The following GRIK4 variants were observed in gnomAD, a reference collection of about 807,000 sequenced individuals.
GRIK4 encodes the protein glutamate ionotropic receptor kainate type subunit 4.
In GRIK4, 40 loss-of-function variants were observed where a neutral mutation model predicts 104.9. That is an observed-to-expected ratio of 0.38 (90% CI 0.30 to 0.50). GRIK4 has a LOEUF of 0.50. Ranked by LOEUF, GRIK4 falls within the 20% of genes least tolerant of loss-of-function variation. GRIK4 has a pLI of 0.93. For synonymous variants in GRIK4, 485 were observed against 524.9 expected (o/e 0.92, Z 1.04); for missense variants, 1,047 against 1,308.1 (o/e 0.80, Z 3.08).
intron 13 of GRIK4, among the ~76,000 whole-genome samples, chr11:120,911,341 C>T (rs1427591345): frequency 6.7e-6 from 1 of 150,126 alleles, no homozygotes. Context: ...CGGGTTCACG[C>T]CATTCTCCTG....
intron 14 of GRIK4, among the ~76,000 whole-genome samples, chr11:120,951,960 G>C (rs575252244): frequency 4.0e-4 from 61 of 152,330 alleles, no homozygotes; most frequent in African/African-American, 1.4e-3. Flanking sequence ...TGTCACCTCG[G>C]ATCTATTCCC....
In GRIK4 at chr11:120,934,097, C is replaced by A. The variant is rs1943540485; in HGVS notation, c.1477-6250C>A. Among the ~76,000 whole-genome samples the A allele has an allele frequency of 2.0e-5, 3 of 150,136 alleles. No individual in the cohort carries two copies. In the South Asian group the frequency reaches 6.3e-4, roughly 31 times the overall value. On this transcript the variant is annotated intron_variant, in intron 13 of 20. Transcript: ENST00000527524. ...GCGGGCGCCTGTAGTCCCAGCTACT[C>A]AGGAGGCTGAGGCAGGAGAATGGCG...
At chr11:120,860,984 A>G (rs930828873) in intron 8 of GRIK4, among the ~76,000 whole-genome samples, 14 of 150,580 alleles carry the variant, frequency 9.3e-5, no homozygotes, top group African/African-American at 3.4e-4. Context: ...GTGCTAACCC[A>G]CACTTCAGGT....
chr11:120,620,945 A>C (rs1949179425), intron 1 of GRIK4, among the ~76,000 whole-genome samples: 1 of 152,194 alleles, frequency 6.6e-6, no homozygotes, highest in Non-Finnish European at 1.5e-5. Flanking sequence ...AGAGCAGTTA[A>C]GTCACTTGCC....
intron 3 of GRIK4, among the ~76,000 whole-genome samples, chr11:120,723,138 T>C (rs2135379198): frequency 6.6e-6 from 1 of 152,342 alleles, no homozygotes; most frequent in Middle Eastern, 3.4e-3. Context: ...TCATCATTGG[T>C]TTTATGTCAA....
chr11:120,852,962 C>T (rs1217255341), intron 8 of GRIK4, among the ~76,000 whole-genome samples: 1 of 152,168 alleles, frequency 6.6e-6, no homozygotes, highest in Non-Finnish European at 1.5e-5. Flanking sequence ...TGAGGCACAG[C>T]CTGACAAGTG....
At chr11:120,873,868 G>C (rs968775351) in intron 9 of GRIK4, 198 bp from the exon 10 acceptor site, 1 of 534,852 alleles carries the variant, frequency 1.9e-6, no homozygotes, top group Non-Finnish European at 3.3e-6. Context: ...GTGTGTCTTG[G>C]GTGAACACCT....
chr11:120,919,035 G>C (rs1175439755), intron 13 of GRIK4, among the ~76,000 whole-genome samples: 1 of 152,196 alleles, frequency 6.6e-6, no homozygotes, highest in Non-Finnish European at 1.5e-5. Flanking sequence ...GATTGATCTG[G>C]AATTCAAAGC....
intron 1 of GRIK4, among the ~76,000 whole-genome samples, chr11:120,532,542 C>T (rs2136082148): frequency 6.6e-6 from 1 of 152,344 alleles, no homozygotes; most frequent in Non-Finnish European, 1.5e-5. Flanking sequence ...TGTCCTCCTC[C>T]CTCTGAGCCG....
chr11:120,927,365 G>A (rs1400689430), intron 13 of GRIK4, among the ~76,000 whole-genome samples: 2 of 145,126 alleles, frequency 1.4e-5, no homozygotes, highest in South Asian at 2.4e-4. Flanking sequence ...TCAGAAGTTC[G>A]AGACCAGCCT....
At chr11:120,803,304 C>T (rs1337288514) in intron 4 of GRIK4, among the ~76,000 whole-genome samples, 1 of 152,238 alleles carries the variant, frequency 6.6e-6, no homozygotes, top group African/African-American at 2.4e-5. Flanking sequence ...TGACCACTCA[C>T]TCTCTGGGTA....
At chr11:120,703,214 C>A (rs1950580090) in intron 3 of GRIK4, among the ~76,000 whole-genome samples, 1 of 152,062 alleles carries the variant, frequency 6.6e-6, no homozygotes, top group Non-Finnish European at 1.5e-5. Context: ...ATATAAAGAG[C>A]CATCTGTGGC....
intron 1 of GRIK4, among the ~76,000 whole-genome samples, chr11:120,572,267 G>C (rs554797043): frequency 6.6e-6 from 1 of 152,130 alleles, no homozygotes; most frequent in Non-Finnish European, 1.5e-5. Context: ...CGTCACCTTG[G>C]GGGGTAAGAC....
chr11:120,910,234 A>C (rs1942961177), intron 13 of GRIK4, among the ~76,000 whole-genome samples: 2 of 152,274 alleles, frequency 1.3e-5, no homozygotes, highest in Non-Finnish European at 2.9e-5. Flanking sequence ...AGCGGAAAGC[A>C]TACAGAGACC....
intron 8 of GRIK4, among the ~76,000 whole-genome samples, chr11:120,860,250 C>T (rs183165983): frequency 2.0e-5 from 3 of 152,254 alleles, no homozygotes; most frequent in East Asian, 1.9e-4. Flanking sequence ...GGTGGCCTGA[C>T]GCACATTTGA....
intron 1 of GRIK4, among the ~76,000 whole-genome samples, chr11:120,562,519 G>A (rs946637305): frequency 6.6e-6 from 1 of 152,198 alleles, no homozygotes; most frequent in Non-Finnish European, 1.5e-5. Context: ...AAGAAGGGGA[G>A]TTAGGGTATT....
intron 8 of GRIK4, among the ~76,000 whole-genome samples, chr11:120,853,611 A>G (rs756414121): frequency 3.3e-5 from 5 of 152,228 alleles, no homozygotes; most frequent in Non-Finnish European, 5.9e-5. Flanking sequence ...ATGCATTCTA[A>G]ATTCTAGCTT....
At chr11:120,613,006 G>A (rs1030621002) in intron 1 of GRIK4, among the ~76,000 whole-genome samples, 1 of 152,240 alleles carries the variant, frequency 6.6e-6, no homozygotes, top group African/African-American at 2.4e-5. Context: ...ATTAAGCAGG[G>A]TTCTGTGTGT....
chr11:120,684,263 C>T (rs1950241687), intron 3 of GRIK4, among the ~76,000 whole-genome samples: 1 of 152,142 alleles, frequency 6.6e-6, no homozygotes, highest in Non-Finnish European at 1.5e-5. Context: ...ATTGAGGCTG[C>T]AGTGAACTGA....
Sources: gnomAD v4.1 joint callset for allele counts (sites outside exome capture counted in the v4.1 genomes callset) on GRCh38, gnomAD v4.1.1 for gene constraint, MANE v1.5 for transcripts, NCBI Gene and HGNC (gene_info 2026-07-23, HGNC 2026-07-21) for gene names.